CTNNA2: variants seen among roughly 807,000 people sequenced by gnomAD.
The protein encoded by CTNNA2 is catenin alpha 2.
CTNNA2 carries 42 observed loss-of-function variants against 101.0 expected under a neutral mutation model. That is an observed-to-expected ratio of 0.42 (90% confidence interval 0.32 to 0.54). The LOEUF is 0.54. Among genes scored for constraint, CTNNA2 ranks in the 20% least tolerant of loss-of-function variants. CTNNA2 has a pLI of 0.14. For synonymous variants in CTNNA2, 450 were observed against 456.4 expected, an observed-to-expected ratio of 0.99 and a Z score of 0.18; for missense variants, 871 against 1,223.1, an observed-to-expected ratio of 0.71 and a Z score of 4.29.
chr2:79,196,667 C>T (rs13390523), intron 1 of CTNNA2, among the ~76,000 whole-genome samples: 2 of 152,144 alleles, frequency 1.3e-5, no homozygotes, highest in Non-Finnish European at 2.9e-5. Flanking sequence ...ACATTAAGAC[C>T]TTTGTAGAGG....
intron 2 of CTNNA2, among the ~76,000 whole-genome samples, chr2:79,222,237 A>G (rs955841782): frequency 6.6e-6 from 1 of 152,266 alleles, no homozygotes; most frequent in Non-Finnish European, 1.5e-5. Context: ...AAACACAGAC[A>G]TTAATATTAG....
In CTNNA2 at chr2:79,187,270, C is replaced by CTTTTTTT. The variant is rs781414965; in HGVS notation, c.-524+1850_-524+1856dup. Among the ~76,000 whole-genome samples, 296 of 65,412 alleles carry CTTTTTTT rather than the reference C, an allele frequency of 4.5e-3. 15 individuals carry two copies. The highest frequency in any genetic ancestry group is 0.015 in the African/African-American group (215 of 13,944). The allele number at this position is 65,412 out of a possible 152,430, so 42.9% of individuals were successfully genotyped here. A position where few individuals can be genotyped will look rare whatever the true frequency, so the allele number is the denominator to read the frequency against. Reference sequence around the variant, plus strand: ...CTTTTCTTTTCTTTTCTTTTCTTTTCTTTTTTTTTTTTTTTTTGAGACAGA... The same window carrying CTTTTTTT: ...CTTTTCTTTTCTTTTCTTTTCTTTTCTTTTTTTTTTTTTTTTTTTTTTTTGAGACAGA... On this transcript the variant is annotated intron_variant, in intron 1 of 21. Coordinates refer to the CTNNA2 transcript ENST00000466387.
At chr2:80,357,887 T>A (rs1022088232) in intron 7 of CTNNA2, among the ~76,000 whole-genome samples, 4 of 152,042 alleles carry the variant, frequency 2.6e-5, no homozygotes, top group Non-Finnish European at 4.4e-5. Flanking sequence ...TGATTTTTTT[T>A]ATTGACACTT....
intron 1 of CTNNA2, among the ~76,000 whole-genome samples, chr2:79,531,683 A>T (rs996727500): frequency 5.6e-5 from 8 of 143,022 alleles, no homozygotes; most frequent in Non-Finnish European, 7.7e-5. Flanking sequence ...ATGTTAGTAA[A>T]TTTTTTTTTT....
chr2:80,007,379 A>G (rs1693448412), intron 7 of CTNNA2, among the ~76,000 whole-genome samples: 1 of 152,208 alleles, frequency 6.6e-6, no homozygotes, highest in African/African-American at 2.4e-5. Context: ...AAATATCTAC[A>G]TATTTATCCA....
At chr2:79,692,515 A>G (rs954110244) in intron 2 of CTNNA2, among the ~76,000 whole-genome samples, 11 of 152,096 alleles carry the variant, frequency 7.2e-5, no homozygotes, top group Non-Finnish European at 1.3e-4. Flanking sequence ...CAATCCCATT[A>G]CTGGGATTGG....
chr2:79,987,665 C>G (rs1281444505), intron 7 of CTNNA2, among the ~76,000 whole-genome samples: 1 of 152,170 alleles, frequency 6.6e-6, no homozygotes, highest in Non-Finnish European at 1.5e-5. Context: ...GTCCTTCTCC[C>G]TATTCATGAC....
intron 4 of CTNNA2, among the ~76,000 whole-genome samples, chr2:79,393,853 C>T (rs1340114845): frequency 6.6e-6 from 1 of 152,100 alleles, no homozygotes; most frequent in African/African-American, 2.4e-5. Context: ...GGCTTCAATT[C>T]CCTGATGTCT....
chr2:79,508,969 A>G (rs1671473100), upstream of CTNNA2, among the ~76,000 whole-genome samples: 3 of 11,524 alleles, frequency 2.6e-4, no homozygotes, highest in African/African-American at 9.1e-4. Context: ...ATATATATAT[A>G]TATATATATA....
chr2:79,470,878 G>C (rs1670991696), intron 4 of CTNNA2, among the ~76,000 whole-genome samples: 1 of 152,084 alleles, frequency 6.6e-6, no homozygotes, highest in Non-Finnish European at 1.5e-5. Context: ...TCTTACATTT[G>C]TGTTTTTGCA....
chr2:79,844,678 G>T (rs1185597334), intron 3 of CTNNA2, among the ~76,000 whole-genome samples: 1 of 152,096 alleles, frequency 6.6e-6, no homozygotes, highest in Non-Finnish European at 1.5e-5. Context: ...GGGACCTTTG[G>T]CCCTAAAGCC....
At chr2:80,099,189 A>G (rs1213475537) in intron 7 of CTNNA2, among the ~76,000 whole-genome samples, 1 of 152,022 alleles carries the variant, frequency 6.6e-6, no homozygotes, top group East Asian at 1.9e-4. Flanking sequence ...GTTAAAAAAC[A>G]CAGATTCATT....
chr2:80,149,589 A>G (rs1375085546), intron 7 of CTNNA2, among the ~76,000 whole-genome samples: 1 of 152,074 alleles, frequency 6.6e-6, no homozygotes, highest in Non-Finnish European at 1.5e-5. Context: ...CCATAGAAAT[A>G]CCCCTTAATA....
intron 7 of CTNNA2, among the ~76,000 whole-genome samples, chr2:80,338,528 C>G (rs917605844): frequency 6.6e-6 from 1 of 152,136 alleles, no homozygotes; most frequent in Non-Finnish European, 1.5e-5. Flanking sequence ...ACTGTGGGAA[C>G]ATGCTAACAG....
chr2:80,369,966 T>A (rs1573866954), intron 7 of CTNNA2, among the ~76,000 whole-genome samples: 2 of 152,292 alleles, frequency 1.3e-5, no homozygotes, highest in East Asian at 3.9e-4. Flanking sequence ...TAAGACAATA[T>A]ATTTGTGCTA....
chr2:79,607,231 G>A (rs1677952923), intron 1 of CTNNA2, among the ~76,000 whole-genome samples: 1 of 152,124 alleles, frequency 6.6e-6, no homozygotes, highest in Non-Finnish European at 1.5e-5. Flanking sequence ...TTTTACATAT[G>A]CACCTCATAA....
chr2:79,589,253 G>C (rs1023152396), intron 1 of CTNNA2, among the ~76,000 whole-genome samples: 1 of 152,192 alleles, frequency 6.6e-6, no homozygotes, highest in Non-Finnish European at 1.5e-5. Context: ...TTTGGGGTCT[G>C]TGCCACTGCT....
intron 18 of CTNNA2, among the ~76,000 whole-genome samples, chr2:80,623,414 A>G (rs565261426): frequency 1.1e-4 from 17 of 152,000 alleles, no homozygotes; most frequent in African/African-American, 4.1e-4. Flanking sequence ...AGGTGGAAGG[A>G]GAGGGAGGAA....
chr2:80,605,230 T>C (rs1412787798), intron 16 of CTNNA2: 1 of 152,020 alleles, frequency 6.6e-6, no homozygotes. Flanking sequence ...CTGTTCTAAA[T>C]GTTTTGTTGC....
Sources: gnomAD v4.1 joint callset for allele counts (sites outside exome capture counted in the v4.1 genomes callset) on GRCh38, gnomAD v4.1.1 for gene constraint, MANE v1.5 for transcripts, NCBI Gene and HGNC (gene_info 2026-07-23, HGNC 2026-07-21) for gene names.